The following XPO1 variants were observed in gnomAD, a reference collection of about 807,000 sequenced individuals.
The protein encoded by XPO1 is exportin-1.
In XPO1, 5 loss-of-function variants were observed where a neutral mutation model predicts 133.3. That is an observed-to-expected ratio of 0.04 (90% CI 0.02 to 0.08). The LOEUF is 0.08. XPO1 is among the 10% of genes least tolerant of loss of function. The pLI, the probability that XPO1 is intolerant of heterozygous loss-of-function variation, is 1.00. For synonymous variants in XPO1, 419 were observed against 408.2 expected (o/e 1.03, Z -0.32); for missense variants, 506 against 1,267.5 (o/e 0.40, Z 9.12).
chr2:61,488,566 G>A (rs2104386726), intron 18 of XPO1, 22 bp downstream of exon 18: 3 of 1,607,806 alleles, frequency 1.9e-6, no homozygotes, highest in South Asian at 1.1e-5. Context: ...ACTGCATTGT[G>A]TAAGAAATCA....
chr2:61,525,752 G>C (rs1035176537), intron 3 of XPO1: 1 of 1,029,926 alleles, frequency 9.7e-7, no homozygotes. Flanking sequence ...AATTAACAAA[G>C]TCTGGTTTCA....
intron 9 of XPO1, 76 bp from the exon 10 acceptor site, chr2:61,497,083 G>A: frequency 2.0e-6 from 3 of 1,516,782 alleles, no homozygotes; most frequent in Middle Eastern, 1.8e-4. Context: ...CAATTAAAAG[G>A]AAAAAGGCTT....
In XPO1 at chr2:61,490,520, A is replaced by G. The variant is rs969664335; in HGVS notation, c.2022+122T>C. The G allele has an allele frequency of 6.0e-6, 8 of 1,343,170 alleles. No individual in the cohort carries two copies. In the African/African-American group the frequency reaches 1.2e-4, roughly 20 times the overall value. 83.2% of individuals were successfully genotyped at this position (1,343,170 alleles called of 1,614,324 possible). Reference sequence around the variant, plus strand: ...CGCCCAGATAATAAATTATAGAAAGACACACATAAAAGCACTTATGGATCA... The same window carrying G: ...CGCCCAGATAATAAATTATAGAAAGGCACACATAAAAGCACTTATGGATCA... On this transcript the variant is annotated intron_variant, in intron 17 of 24. Transcript: ENST00000401558.
intron 2 of XPO1, among the ~76,000 whole-genome samples, chr2:61,533,407 T>C (rs985414379): frequency 6.6e-6 from 1 of 152,320 alleles, no homozygotes; most frequent in Middle Eastern, 3.4e-3. Flanking sequence ...TATTCCTGTT[T>C]TTATTTAAAC....
At chr2:61,530,465 C>T (rs1191693910) in intron 2 of XPO1, among the ~76,000 whole-genome samples, 1 of 152,070 alleles carries the variant, frequency 6.6e-6, no homozygotes, top group Non-Finnish European at 1.5e-5. Flanking sequence ...ATGGTGAAAG[C>T]ATTTTAGTTG....
At chr2:61,489,039 T>C (rs551436288) in intron 17 of XPO1, among the ~76,000 whole-genome samples, 1 of 152,064 alleles carries the variant, frequency 6.6e-6, no homozygotes, top group South Asian at 2.1e-4. Flanking sequence ...GAGATGGAGT[T>C]TGCAGTGAGC....
At chr2:61,502,140 C>CT in intron 5 of XPO1, 100 bp from the exon 6 acceptor site, 2 of 1,499,682 alleles carry the variant, frequency 1.3e-6, no homozygotes, top group Non-Finnish European at 1.8e-6. Context: ...CTGTAAATGA[C>CT]TGACTGTGCA....
At chr2:61,526,937 A>AC (rs1419594779) in intron 2 of XPO1, among the ~76,000 whole-genome samples, 1 of 152,048 alleles carries the variant, frequency 6.6e-6, no homozygotes, top group Non-Finnish European at 1.5e-5. Flanking sequence ...TGAACTCCTG[A>AC]CCTCAGGTGA....
chr2:61,525,300 G>T (rs1347778686), intron 3 of XPO1: 1 of 985,878 alleles, frequency 1.0e-6, no homozygotes, highest in East Asian at 1.1e-4. Flanking sequence ...AAGCCTAGCT[G>T]TGTCAGTTGC....
intron 3 of XPO1, chr2:61,526,157 G>C: frequency 3.2e-6 from 4 of 1,269,116 alleles, no homozygotes; most frequent in Non-Finnish European, 4.0e-6. Flanking sequence ...ACTTAGACCT[G>C]TATACATATA....
chr2:61,481,083 A>C (rs1696326415), intron 24 of XPO1, 102 bp downstream of exon 24: 5 of 686,296 alleles, frequency 7.3e-6, no homozygotes, highest in Non-Finnish European at 1.2e-5. Context: ...TTGAAACCCC[A>C]TTTATTTGGC....
chr2:61,505,024 T>C (rs9807965), intron 4 of XPO1, among the ~76,000 whole-genome samples: 89,950 of 152,116 alleles, frequency 0.59, 26,674 homozygotes, highest in Middle Eastern at 0.68. Context: ...TTACATTTTG[T>C]TTTAGAGGCA....
At chr2:61,489,101 CA>C (rs35187682) in intron 17 of XPO1, among the ~76,000 whole-genome samples, 90,490 of 141,386 alleles carry the variant, frequency 0.64, 28,183 homozygotes, top group Middle Eastern at 0.72. Flanking sequence ...GACTCCGTCT[CA>C]AAAAAAAAAA....
At chr2:61,487,776 G>C (rs915057468) in intron 19 of XPO1, among the ~76,000 whole-genome samples, 2 of 152,136 alleles carry the variant, frequency 1.3e-5, no homozygotes, top group Non-Finnish European at 2.9e-5. Context: ...CCTTTAATCT[G>C]GGAAGCAATC....
At chr2:61,491,734 G>C (rs748024593) in intron 16 of XPO1, among the ~76,000 whole-genome samples, 16 of 151,954 alleles carry the variant, frequency 1.1e-4, no homozygotes, top group Non-Finnish European at 2.2e-4. Flanking sequence ...TCTCTACCAA[G>C]GGGGGGAAAA....
chr2:61,528,697 G>C (rs1329232936), intron 2 of XPO1, among the ~76,000 whole-genome samples: 1 of 136,174 alleles, frequency 7.3e-6, no homozygotes, highest in Non-Finnish European at 1.6e-5. Context: ...TTTTTCATTT[G>C]ACAGTTTTTA....
intron 4 of XPO1, among the ~76,000 whole-genome samples, chr2:61,511,617 G>C (rs1698100438): frequency 6.6e-6 from 1 of 152,150 alleles, no homozygotes; most frequent in Non-Finnish European, 1.5e-5. Context: ...TAACTATCTT[G>C]TCCTGGCTGA....
intron 9 of XPO1, among the ~76,000 whole-genome samples, chr2:61,497,228 T>A (rs1416748272): frequency 6.6e-6 from 1 of 152,078 alleles, no homozygotes; most frequent in Admixed American, 6.6e-5. Flanking sequence ...ACTTTTTTTG[T>A]TTTTTTGAGA....
In XPO1 at chr2:61,494,246, G is replaced by GTAAC. The variant is rs148919286; in HGVS notation, c.1048-159_1048-156dup. On this transcript the variant is annotated intron_variant, in intron 11 of 24. Transcript: ENST00000401558. ...TATCAAATAGACAGCAAACTCTGGAGTAACTCTGCTTCTTCTGACATGCCC... is the reference window on the plus strand; with the variant it reads ...TATCAAATAGACAGCAAACTCTGGAGTAACTAACTCTGCTTCTTCTGACATGCCC... 2.9e-3 allele frequency: 1,913 copies of GTAAC among 657,268 alleles called. 26 individuals are homozygous for GTAAC. Among genetic ancestry groups the GTAAC allele is most frequent in the African/African-American group, 0.029 (1,578 of 54,698 alleles). The allele number at this position is 657,268 out of a possible 1,614,324, so 40.7% of individuals were successfully genotyped here.
Sources: gnomAD v4.1 joint callset for allele counts (sites outside exome capture counted in the v4.1 genomes callset) on GRCh38, gnomAD v4.1.1 for gene constraint, MANE v1.5 for transcripts, NCBI Gene and HGNC (gene_info 2026-07-23, HGNC 2026-07-21) for gene names.